Variants in HAVCR2 observed in about 807,000 individuals in gnomAD.
The protein encoded by HAVCR2 is hepatitis A virus cellular receptor 2, also known as T cell immunoglobulin mucin 3.
HAVCR2 carries 13 observed loss-of-function variants against 24.7 expected under a neutral mutation model. That is an observed-to-expected ratio of 0.53 (90% CI 0.34 to 0.84). HAVCR2 has a LOEUF of 0.84. Among genes scored for constraint, HAVCR2 ranks in the 40% least tolerant of loss-of-function variants. The probability of loss-of-function intolerance (pLI) is 0.01; values close to 1 mark genes in which losing one functional copy is unlikely to be tolerated. For synonymous variants in HAVCR2, 154 were observed against 143.4 expected, an observed-to-expected ratio of 1.07 and a Z score of -0.53; for missense variants, 343 against 371.2, an observed-to-expected ratio of 0.92 and a Z score of 0.62.
rs556443053 is a variant in HAVCR2 at position 157,092,878 on chromosome 5, C to CAAAAAAAAAAAAAAAAAAAAAA, written c.676+2406_676+2427dup. On this transcript the variant is annotated intron_variant, in intron 5 of 6. Coordinates refer to ENST00000307851, the MANE Select transcript of HAVCR2 (RefSeq NM_032782.5). The stretch of plus-strand genomic sequence containing the variant: ...CAACATGGCAAAACCCTGTCTCTAC[C>CAAAAAAAAAAAAAAAAAAAAAA]AAAAAAAAAAAAAAAAAAAAAAAAA... 3.0e-4 allele frequency among the ~76,000 whole-genome samples: 13 copies of CAAAAAAAAAAAAAAAAAAAAAA among 44,044 alleles called. 1 individual carries two copies. Among genetic ancestry groups the CAAAAAAAAAAAAAAAAAAAAAA allele is most frequent in the South Asian group, 6.8e-4 (1 of 1,466 alleles). 28.9% of individuals were successfully genotyped at this position (44,044 alleles called of 152,430 possible). A position where few individuals can be genotyped will look rare whatever the true frequency, so the allele number is the denominator to read the frequency against.
At position 157,098,909 on chromosome 5, in the gene HAVCR2, A is replaced by AAGAGAG. The variant is rs70984443; in HGVS notation, c.479-14_479-9dup. ...CCAGTGTCTGTGTCTCTGCTATAAA[A>AAGAGAG]AGAGAGAGAGAGAGAGAGAGAGGAA... On this transcript the variant is annotated splice_polypyrimidine_tract_variant and intron_variant, in intron 3 of 6. Coordinates refer to ENST00000307851, the MANE Select transcript of HAVCR2 (RefSeq NM_032782.5). 26 of 1,568,214 alleles carry AAGAGAG rather than the reference A, an allele frequency of 1.7e-5. No individual in the cohort carries two copies. Among genetic ancestry groups the AAGAGAG allele is most frequent in the East Asian group, 4.6e-5 (2 of 43,424 alleles).
At chr5:157,093,647 T>C (rs1757045162) in intron 5 of HAVCR2, among the ~76,000 whole-genome samples, 2 of 152,042 alleles carry the variant, frequency 1.3e-5, no homozygotes, top group African/African-American at 4.8e-5. Context: ...ATAGACACAA[T>C]TATAAAAGTG....
chr5:157,104,515 C>T (rs891014125), intron 3 of HAVCR2, 151 bp downstream of exon 3: 8 of 537,970 alleles, frequency 1.5e-5, no homozygotes, highest in African/African-American at 3.8e-5. Flanking sequence ...TGTGTCTCCA[C>T]CACTTCCCTC....
At chr5:157,108,357 G>A (rs1195387967) in intron 1 of HAVCR2, among the ~76,000 whole-genome samples, 1 of 152,004 alleles carries the variant, frequency 6.6e-6, no homozygotes, top group Non-Finnish European at 1.5e-5. Flanking sequence ...GGTGGTGCAC[G>A]CCTGTGATCC....
chr5:157,091,532 G>T (rs1054362459), intron 5 of HAVCR2, among the ~76,000 whole-genome samples: 5 of 152,132 alleles, frequency 3.3e-5, no homozygotes, highest in African/African-American at 1.2e-4. Flanking sequence ...TTTCCGTTGT[G>T]CTTTGGAGCA....
rs1022933376 is a variant in HAVCR2, at chr5:157,095,419, A to C, written c.563T>G (p.Leu188Trp). The change falls in exon 5 of 7, where the codon TTG (leucine) becomes TGG (tryptophan). Residue 188 changes from leucine to tryptophan, a missense_variant. Coordinates refer to ENST00000307851, the MANE Select transcript of HAVCR2 (RefSeq NM_032782.5). ...TLANELRDSRLANDLRDSGAT... is the reference protein window; with the variant it reads ...TLANELRDSRWANDLRDSGAT... ...TCCAGAGTCCCGTAAGTCATTGGCCAATCTAGAGTCCCGTAACTCATTGGC... is the reference window on the plus strand; with the variant it reads ...TCCAGAGTCCCGTAAGTCATTGGCCCATCTAGAGTCCCGTAACTCATTGGC... The C allele has an allele frequency of 1.9e-6, 3 of 1,613,968 alleles. No individual in the cohort carries two copies. Among genetic ancestry groups the C allele is most frequent in the Middle Eastern group, 1.7e-4 (1 of 6,060 alleles).
intron 5 of HAVCR2, among the ~76,000 whole-genome samples, chr5:157,092,720 A>G (rs2113686109): frequency 6.6e-6 from 1 of 151,730 alleles, no homozygotes; most frequent in East Asian, 2.0e-4. Context: ...TGCTAGGATT[A>G]CAGGCGTAAG....
At chr5:157,092,549 T>C (rs7730175) in intron 5 of HAVCR2, among the ~76,000 whole-genome samples, 132,580 of 151,890 alleles carry the variant, frequency 0.87, 58,062 homozygotes, top group East Asian at 0.99. Flanking sequence ...TGGGCTCAAG[T>C]GATTCTCCCA....
Position 157,086,915 on chromosome 5 carries a change from A to G in HAVCR2, c.*187T>C. 1 of 562,708 alleles carries G rather than the reference A, an allele frequency of 1.8e-6. No homozygotes were observed. The highest frequency in any genetic ancestry group is 3.1e-5 in the East Asian group (1 of 32,382). 34.9% of individuals were successfully genotyped at this position (562,708 alleles called of 1,614,324 possible). A position where few individuals can be genotyped will look rare whatever the true frequency, so the allele number is the denominator to read the frequency against. On this transcript the variant is annotated 3_prime_UTR_variant, in exon 7 of 7. Coordinates refer to ENST00000307851, the MANE Select transcript of HAVCR2 (RefSeq NM_032782.5). ...GGTAACTCTGTTGGCTTAAATACAG[A>G]GGCAATGACATGCCTGTTTAAGTTC...
intron 3 of HAVCR2, among the ~76,000 whole-genome samples, chr5:157,103,315 G>A (rs1237522055): frequency 6.6e-6 from 1 of 151,570 alleles, no homozygotes; most frequent in Non-Finnish European, 1.5e-5. Flanking sequence ...AACTTGCAGT[G>A]AGCCGAGATT....
intron 6 of HAVCR2, among the ~76,000 whole-genome samples, chr5:157,087,644 G>A (rs1441628747): frequency 2.6e-5 from 4 of 152,154 alleles, no homozygotes; most frequent in East Asian, 3.9e-4. Context: ...CGTGGCTCAC[G>A]CCTGTAATCC....
At chr5:157,090,392 C>T (rs376977655) in intron 5 of HAVCR2, among the ~76,000 whole-genome samples, 4 of 151,798 alleles carry the variant, frequency 2.6e-5, no homozygotes, top group South Asian at 2.1e-4. Flanking sequence ...CTTGGGAGTT[C>T]GAGACCAGCC....
rs1561619880 is a variant in HAVCR2, at chr5:157,092,913, A to AAAAAAAAAAAAAAAAAAT, written c.676+2392_676+2393insATTTTTTTTTTTTTTTTT. Among the ~76,000 whole-genome samples, 14 of 123,028 alleles carry AAAAAAAAAAAAAAAAAAT rather than the reference A, an allele frequency of 1.1e-4. 1 individual carries two copies. Among genetic ancestry groups the AAAAAAAAAAAAAAAAAAT allele is most frequent in the African/African-American group, 4.3e-4 (14 of 32,284 alleles). The allele number at this position is 123,028 out of a possible 152,430, so 80.7% of individuals were successfully genotyped here. A position where few individuals can be genotyped will look rare whatever the true frequency, so the allele number is the denominator to read the frequency against. On this transcript the variant is annotated intron_variant, in intron 5 of 6. Transcript: ENST00000307851. The stretch of plus-strand genomic sequence containing the variant: ...AAAAAAAAAAAAAAAAAAAAAAAAA[A>AAAAAAAAAAAAAAAAAAT]AAAAACTAGCCAGGTGTGGTGGCAT...
At chr5:157,096,033 C>T (rs1296969445) in intron 4 of HAVCR2, among the ~76,000 whole-genome samples, 1 of 151,932 alleles carries the variant, frequency 6.6e-6, no homozygotes, top group African/African-American at 2.4e-5. Context: ...TGAGACCAGC[C>T]TGGACAACAT....
intron 3 of HAVCR2, 62 bp downstream of exon 3, chr5:157,104,604 T>G (rs995548020): frequency 2.8e-5 from 33 of 1,189,682 alleles, no homozygotes; most frequent in Middle Eastern, 1.9e-4. Flanking sequence ...TTTTCCCACA[T>G]TCAAAATCCT....
At chr5:157,094,867 T>A (rs931026178) in intron 5 of HAVCR2, among the ~76,000 whole-genome samples, 2 of 152,132 alleles carry the variant, frequency 1.3e-5, no homozygotes, top group African/African-American at 2.4e-5. Flanking sequence ...AACAGAAAAG[T>A]GCACAGAAGG....
chr5:157,105,828 T>C (rs759543304), intron 2 of HAVCR2, among the ~76,000 whole-genome samples: 41 of 152,324 alleles, frequency 2.7e-4, no homozygotes, highest in Non-Finnish European at 4.6e-4. Context: ...ATGCTTAGCA[T>C]CTACCTCCAG....
intron 5 of HAVCR2, among the ~76,000 whole-genome samples, chr5:157,094,054 T>C (rs2113687296): frequency 6.6e-6 from 1 of 151,876 alleles, no homozygotes. Flanking sequence ...TTTTTTTTTT[T>C]TTTTGGAGAC....
chr5:157,100,014 A>G (rs909383061), intron 3 of HAVCR2, among the ~76,000 whole-genome samples: 3 of 152,186 alleles, frequency 2.0e-5, no homozygotes, highest in Non-Finnish European at 4.4e-5. Flanking sequence ...ATTTTCTTAA[A>G]TAAGTTTTGC....
Sources: allele counts gnomAD v4.1 joint callset (sites outside exome capture counted in the v4.1 genomes callset), GRCh38; gene constraint gnomAD v4.1.1; transcripts MANE v1.5; gene names NCBI Gene and HGNC (gene_info 2026-07-23, HGNC 2026-07-21).